The following NCOA2 variants were observed in gnomAD, a reference collection of about 807,000 sequenced individuals.
NCOA2 encodes class E basic helix-loop-helix protein 75.
A neutral mutation model predicts 145.1 loss-of-function variants in NCOA2; 21 were observed. The ratio of observed to expected loss-of-function variants is 0.14; its 90% CI spans 0.10 to 0.21. The LOEUF is 0.21. Among genes scored for constraint, NCOA2 ranks in the 10% least tolerant of loss-of-function variants. The pLI is 1.00. For missense variants in NCOA2, 1,472 were observed against 1,837.6 expected (o/e 0.80, Z 3.64); for synonymous variants, 619 against 637.5 (o/e 0.97, Z 0.44).
intron 2 of NCOA2, among the ~76,000 whole-genome samples, chr8:70,273,199 T>A (rs1309615001): frequency 1.3e-5 from 2 of 152,020 alleles, no homozygotes; most frequent in Non-Finnish European, 2.9e-5. Context: ...TGAGCAGACA[T>A]CTCAGAAATT....
chr8:70,420,482 C>G, the NCOA2 span, among the ~76,000 whole-genome samples: 9 of 152,160 alleles, frequency 5.9e-5, no homozygotes, highest in Non-Finnish European at 1.3e-4. Context: ...AAGAGAGAAG[C>G]AACCGATGGC....
chr8:70,135,031 CT>C (rs957439434), intron 15 of NCOA2, among the ~76,000 whole-genome samples: 1 of 152,152 alleles, frequency 6.6e-6, no homozygotes, highest in Non-Finnish European at 1.5e-5. Flanking sequence ...GAAAACGCCC[CT>C]GGAATAGGGT....
intron 2 of NCOA2, among the ~76,000 whole-genome samples, chr8:70,275,373 T>C (rs1160309163): frequency 9.2e-5 from 14 of 152,166 alleles, no homozygotes; most frequent in Admixed American, 9.2e-4. Context: ...TATTAAAGAA[T>C]TGTATTCTTA....
At chr8:70,377,622 A>T (rs1234294006) in intron 1 of NCOA2, among the ~76,000 whole-genome samples, 1 of 152,158 alleles carries the variant, frequency 6.6e-6, no homozygotes, top group Admixed American at 6.5e-5. Context: ...CTGCCTGATG[A>T]TCTGGAATTT....
At chr8:70,295,968 T>G (rs1827058338) in intron 2 of NCOA2, among the ~76,000 whole-genome samples, 1 of 152,152 alleles carries the variant, frequency 6.6e-6, no homozygotes, top group Non-Finnish European at 1.5e-5. Context: ...GAAATAAGCT[T>G]AATAAACTAT....
chr8:70,177,998 T>C (rs1815057202), intron 4 of NCOA2, among the ~76,000 whole-genome samples: 1 of 152,204 alleles, frequency 6.6e-6, no homozygotes. Flanking sequence ...AGACAATAAG[T>C]AGGCCTTGTG....
chr8:70,430,524 A>C, the NCOA2 span, among the ~76,000 whole-genome samples: 1 of 152,170 alleles, frequency 6.6e-6, no homozygotes, highest in African/African-American at 2.4e-5. Context: ...GTCATCTCCA[A>C]ATGTTTTCTT....
upstream of NCOA2, among the ~76,000 whole-genome samples, chr8:70,406,961 A>T (rs961018124): frequency 2.6e-5 from 4 of 152,226 alleles, no homozygotes; most frequent in African/African-American, 9.6e-5. Context: ...CAAGTCACTA[A>T]ATATCGCAAT....
chr8:70,178,510 G>A (rs902202508), intron 4 of NCOA2, among the ~76,000 whole-genome samples: 3 of 152,202 alleles, frequency 2.0e-5, no homozygotes, highest in African/African-American at 7.2e-5. Context: ...TGAGGGAATG[G>A]AACAGTGACA....
At chr8:70,347,354 G>A (rs757823399) in intron 1 of NCOA2, among the ~76,000 whole-genome samples, 3 of 151,908 alleles carry the variant, frequency 2.0e-5, no homozygotes, top group Admixed American at 6.6e-5. Flanking sequence ...GCTTGGTGGC[G>A]GGTGCCTATA....
chr8:70,399,377 C>CA (rs957592902), intron 1 of NCOA2, among the ~76,000 whole-genome samples: 4 of 151,974 alleles, frequency 2.6e-5, no homozygotes, highest in Non-Finnish European at 5.9e-5. Context: ...TGAAAGGGTA[C>CA]AAAAAAACTG....
intron 1 of NCOA2, among the ~76,000 whole-genome samples, chr8:70,346,486 ACTAT>A (rs1808654943): frequency 6.6e-6 from 1 of 152,242 alleles, no homozygotes. Context: ...TATTGAAATG[ACTAT>A]CAATCTGAAC....
chr8:70,413,415 C>T, the NCOA2 span, among the ~76,000 whole-genome samples: 1 of 152,004 alleles, frequency 6.6e-6, no homozygotes, highest in Admixed American at 6.6e-5. Flanking sequence ...ACACTACATC[C>T]GGGAACTAAA....
At chr8:70,224,749 G>C (rs558882714) in intron 2 of NCOA2, among the ~76,000 whole-genome samples, 1 of 150,708 alleles carries the variant, frequency 6.6e-6, no homozygotes, top group African/African-American at 2.5e-5. Flanking sequence ...ACTCACACTT[G>C]ATACGTTACA....
intron 1 of NCOA2, among the ~76,000 whole-genome samples, chr8:70,297,322 C>T (rs1827165885): frequency 6.6e-6 from 1 of 152,042 alleles, no homozygotes; most frequent in Admixed American, 6.5e-5. Flanking sequence ...TTTCTTATCT[C>T]AAGAATTATC....
At chr8:70,302,258 G>T (rs889193788) in intron 1 of NCOA2, among the ~76,000 whole-genome samples, 1 of 152,062 alleles carries the variant, frequency 6.6e-6, no homozygotes, top group African/African-American at 2.4e-5. Context: ...CACTGCAGAA[G>T]ACTTAATAAT....
chr8:70,220,425 C>G (rs1229892431), intron 2 of NCOA2, among the ~76,000 whole-genome samples: 1 of 152,152 alleles, frequency 6.6e-6, no homozygotes, highest in Non-Finnish European at 1.5e-5. Context: ...AAAAAAGTTT[C>G]AAATCATCCA....
At chr8:70,225,464 G>A (rs376148409) in intron 2 of NCOA2, among the ~76,000 whole-genome samples, 1 of 151,650 alleles carries the variant, frequency 6.6e-6, no homozygotes, top group Non-Finnish European at 1.5e-5. Flanking sequence ...CAGGAGAATC[G>A]CTTGAACCCC....
At chr8:70,191,080 G>C (rs924952304) in intron 4 of NCOA2, among the ~76,000 whole-genome samples, 2 of 152,024 alleles carry the variant, frequency 1.3e-5, no homozygotes, top group East Asian at 1.9e-4. Flanking sequence ...ACTGATACCA[G>C]GTCCATAAAC....
Sources: gnomAD v4.1 joint callset for allele counts (sites outside exome capture counted in the v4.1 genomes callset) on GRCh38, gnomAD v4.1.1 for gene constraint, MANE v1.5 for transcripts, NCBI Gene and HGNC (gene_info 2026-07-23, HGNC 2026-07-21) for gene names.